TBCD: variants seen among roughly 807,000 people sequenced by gnomAD.
TBCD encodes the protein tubulin folding cofactor D, also known as tubulin-specific chaperone D.
Under a neutral mutation model 169.3 loss-of-function variants are expected in TBCD, and 105 were observed. The ratio of observed to expected loss-of-function variants is 0.62; its 90% CI spans 0.53 to 0.73. The LOEUF (loss-of-function observed/expected upper bound fraction) is 0.73. Among genes scored for constraint, TBCD ranks in the 30% least tolerant of loss-of-function variants. TBCD has a pLI of 0.00. For synonymous variants in TBCD, 700 were observed against 643.9 expected, an observed-to-expected ratio of 1.09 and a Z score of -1.32; for missense variants, 1,444 against 1,600.1, an observed-to-expected ratio of 0.90 and a Z score of 1.66.
intron 13 of TBCD, among the ~76,000 whole-genome samples, chr17:82,848,301 C>T (rs2055328012): frequency 6.6e-6 from 1 of 152,190 alleles, no homozygotes. Flanking sequence ...CCTGTCGCTC[C>T]CTCCTCTCCT....
intron 13 of TBCD, chr17:82,829,934 A>G: frequency 1.2e-6 from 1 of 813,442 alleles, no homozygotes; most frequent in South Asian, 1.8e-5. Flanking sequence ...TTTTACAACC[A>G]AAAGTAGAAG....
chr17:82,875,659 G>A (rs1213701354), intron 14 of TBCD, among the ~76,000 whole-genome samples: 3 of 152,248 alleles, frequency 2.0e-5, no homozygotes, highest in African/African-American at 4.8e-5. Flanking sequence ...TCGGGGGCAG[G>A]ATTGTCCTGG....
At chr17:82,873,378 G>A (rs886071216) in intron 14 of TBCD, among the ~76,000 whole-genome samples, 2 of 152,150 alleles carry the variant, frequency 1.3e-5, no homozygotes, top group Non-Finnish European at 2.9e-5. Flanking sequence ...GTCTAGGTGG[G>A]CACGGAACCC....
At chr17:82,882,855 A>G (rs529299260) in intron 14 of TBCD, among the ~76,000 whole-genome samples, 12 of 152,348 alleles carry the variant, frequency 7.9e-5, no homozygotes, top group African/African-American at 2.9e-4. Context: ...TGTGGCTGGC[A>G]GGGCCGGCGC....
chr17:82,876,839 C>G, intron 14 of TBCD: 1 of 306,156 alleles, frequency 3.3e-6, no homozygotes, highest in African/African-American at 2.3e-5. Flanking sequence ...CTGCTGCAGC[C>G]CTGTGGTCTG....
Position 82,895,296 on chromosome 17 carries a change from C to T in TBCD, c.1649+1664C>T, listed in dbSNP as rs867064062. On this transcript the variant is annotated intron_variant, in intron 17 of 38. Transcript: ENST00000355528. The stretch of plus-strand genomic sequence containing the variant: ...CGGGGACCTGCAGTCATGGCTGCAC[C>T]CTAGTACCGCGGGGCCCCCCTGCAC... 5.9e-5 allele frequency among the ~76,000 whole-genome samples: 9 copies of T among 152,280 alleles called. No individual in the cohort carries two copies. In the South Asian group the frequency reaches 1.2e-3, roughly 21 times the overall value.
intron 34 of TBCD, among the ~76,000 whole-genome samples, chr17:82,935,832 C>G (rs1259860844): frequency 6.6e-6 from 1 of 152,176 alleles, no homozygotes; most frequent in Non-Finnish European, 1.5e-5. Context: ...TCACTTACTG[C>G]TTTTGGGACC....
At position 82,938,277 on chromosome 17, in the gene TBCD, C is replaced by G. The variant is rs1159956341; in HGVS notation, c.3369+141C>G. 6 of 934,100 alleles carry G rather than the reference C, an allele frequency of 6.4e-6. No individual in the cohort carries two copies. The East Asian group carries it at 1.6e-4, about 25-fold the overall frequency. 57.9% of individuals were successfully genotyped at this position (934,100 alleles called of 1,614,324 possible). A position where few individuals can be genotyped will look rare whatever the true frequency, so the allele number is the denominator to read the frequency against. On this transcript the variant is annotated intron_variant, in intron 36 of 38. Coordinates refer to ENST00000355528, the MANE Select transcript of TBCD (RefSeq NM_005993.5). Reference sequence around the variant, plus strand: ...TTAACGCGCCTGGGTGACGACGCGTCACAGGCACGCGGCTGCCAAGGGGCT... The same window carrying G: ...TTAACGCGCCTGGGTGACGACGCGTGACAGGCACGCGGCTGCCAAGGGGCT...
chr17:82,813,251 C>G (rs1019289386), intron 12 of TBCD, among the ~76,000 whole-genome samples: 21 of 152,142 alleles, frequency 1.4e-4, no homozygotes, highest in Non-Finnish European at 3.1e-4. Flanking sequence ...CGTGTACCTG[C>G]GACACTCTTT....
At chr17:82,883,723 C>G (rs141130531) in intron 14 of TBCD, among the ~76,000 whole-genome samples, 143 of 152,318 alleles carry the variant, frequency 9.4e-4, no homozygotes, top group Non-Finnish European at 1.6e-3. Flanking sequence ...GTGTCGGCCA[C>G]CTTGGTTTGC....
Position 82,835,318 on chromosome 17 carries a change from C to T in TBCD, c.1318+20384C>T, listed in dbSNP as rs951096867. On this transcript the variant is annotated intron_variant, in intron 13 of 38. Transcript: ENST00000355528. This position sits in a 1 kb window ranked among gnomAD's most constrained non-coding sequence, Gnocchi z 4.5. ...TGTCCTTCCTCCCACACGCCAGGGG[C>T]CAGGGGTGGTGGCTGGGCTTTCATA... Among the ~76,000 whole-genome samples the T allele has an allele frequency of 6.6e-6, 1 of 152,162 alleles. No individual in the cohort carries two copies. Among genetic ancestry groups the T allele is most frequent in the African/African-American group, 2.4e-5 (1 of 41,448 alleles).
intron 13 of TBCD, among the ~76,000 whole-genome samples, chr17:82,851,215 A>G (rs956726733): frequency 6.6e-6 from 1 of 151,842 alleles, no homozygotes; most frequent in Non-Finnish European, 1.5e-5. Context: ...TTTTAGTTAG[A>G]AGATATACAA....
intron 6 of TBCD, among the ~76,000 whole-genome samples, chr17:82,776,080 A>T (rs896053341): frequency 2.6e-5 from 4 of 152,072 alleles, no homozygotes; most frequent in African/African-American, 7.2e-5. Flanking sequence ...TTAGCTGGGC[A>T]TGGTGGTGCG....
intron 13 of TBCD, among the ~76,000 whole-genome samples, chr17:82,857,959 CAGG>C (rs1172305330): frequency 6.6e-6 from 1 of 151,890 alleles, no homozygotes; most frequent in African/African-American, 2.4e-5. Context: ...GTCACTCAGG[CAGG>C]AGTACAGTGG....
At chr17:82,765,609 A>G (rs2047981393) in intron 3 of TBCD, among the ~76,000 whole-genome samples, 1 of 152,222 alleles carries the variant, frequency 6.6e-6, no homozygotes, top group Non-Finnish European at 1.5e-5. Flanking sequence ...TGCCAAGGAC[A>G]CGCAGGCCTC....
chr17:82,938,112 G>C lies in TBCD; in HGVS notation c.3345G>C (p.Leu1115=). 1 of 1,612,588 alleles carries C rather than the reference G, an allele frequency of 6.2e-7. No individual in the cohort carries two copies. Among genetic ancestry groups the C allele is most frequent in the Non-Finnish European group, 8.5e-7 (1 of 1,179,848 alleles). ...GGCAGGCCCTCCTGCAGCTGTGTCT[G>C]CTCCTCTGCCACCGTTTCCCGCTGG... is the stretch of plus-strand genomic sequence containing the variant. ...VRRQALLQLC[L]LLCHRFPLIR... Residue 1115 remains leucine, a synonymous_variant, in exon 36 of 39, where the codon CTG becomes CTC. Coordinates refer to ENST00000355528, the MANE Select transcript of TBCD (RefSeq NM_005993.5).
In TBCD at chr17:82,929,199, C is replaced by T. The variant is rs370298242; in HGVS notation, c.2780C>T (p.Thr927Met). The T allele has an allele frequency of 2.7e-5, 44 of 1,613,830 alleles. No individual in the cohort carries two copies. Among genetic ancestry groups the T allele is most frequent in the Admixed American group, 1.2e-4 (7 of 60,002 alleles). ...GCTCACGCCGCCAGCGTGTTCCTGA[C>T]GCTCCTGCACTTTGACAGCCCTCCC... ...FRAHAASVFLTLLHFDSPPIP... is the reference protein window; with the variant it reads ...FRAHAASVFLMLLHFDSPPIP... Residue 927 changes from threonine to methionine, a missense_variant, in exon 31 of 39, where the codon ACG (threonine) becomes ATG (methionine). Coordinates refer to ENST00000355528, the MANE Select transcript of TBCD (RefSeq NM_005993.5).
chr17:82,836,687 CAAA>C (rs559997152), intron 13 of TBCD, among the ~76,000 whole-genome samples: 1 of 116,912 alleles, frequency 8.6e-6, no homozygotes, highest in African/African-American at 3.2e-5. Context: ...TACTTTTAGG[CAAA>C]AAAAAAAACA....
At chr17:82,779,714 TG>T (rs2144253125) in intron 6 of TBCD, among the ~76,000 whole-genome samples, 1 of 152,152 alleles carries the variant, frequency 6.6e-6, no homozygotes, top group South Asian at 2.1e-4. Flanking sequence ...ATGGATGTGC[TG>T]GAACAAGGGC....
Sources: gnomAD v4.1 joint callset for allele counts (sites outside exome capture counted in the v4.1 genomes callset) on GRCh38, gnomAD v4.1.1 for gene constraint, Gnocchi (gnomAD v3.1) non-coding constraint, MANE v1.5 for transcripts, NCBI Gene and HGNC (gene_info 2026-07-23, HGNC 2026-07-21) for gene names.